Variants in MACROD2 observed in about 807,000 individuals in gnomAD.
The protein encoded by MACROD2 is ADP-ribose glycohydrolase MACROD2.
Under a neutral mutation model 70.4 loss-of-function variants are expected in MACROD2, and 36 were observed. The observed-to-expected ratio is 0.51, with a 90% CI of 0.39 to 0.68. The LOEUF (loss-of-function observed/expected upper bound fraction) is 0.68. Among genes scored for constraint, MACROD2 ranks in the 30% least tolerant of loss-of-function variants. The probability of loss-of-function intolerance (pLI) is 0.00; values close to 1 mark genes in which losing one functional copy is unlikely to be tolerated. For missense variants in MACROD2, 496 were observed against 538.4 expected, an observed-to-expected ratio of 0.92 and a Z score of 0.78; for synonymous variants, 172 against 178.8, an observed-to-expected ratio of 0.96 and a Z score of 0.30.
chr20:15,271,886 T>C (rs967413526), intron 6 of MACROD2, among the ~76,000 whole-genome samples: 3 of 152,214 alleles, frequency 2.0e-5, no homozygotes, highest in Admixed American at 1.3e-4. Context: ...GAAACAGTTA[T>C]GTGGAAATAC....
chr20:14,627,503 G>A (rs115638944), intron 4 of MACROD2, among the ~76,000 whole-genome samples: 10 of 152,000 alleles, frequency 6.6e-5, no homozygotes, highest in East Asian at 1.9e-4. Context: ...GTTCAATCCC[G>A]TTTCTCTCAC....
chr20:14,476,795 G>A (rs2084600477), intron 3 of MACROD2, among the ~76,000 whole-genome samples: 1 of 152,196 alleles, frequency 6.6e-6, no homozygotes, highest in African/African-American at 2.4e-5. Context: ...ACTAAACAGA[G>A]AGGAATAAAT....
chr20:15,852,242 A>C (rs1401550493), intron 8 of MACROD2, among the ~76,000 whole-genome samples: 1 of 152,196 alleles, frequency 6.6e-6, no homozygotes, highest in Non-Finnish European at 1.5e-5. Context: ...GGCTCCTCAG[A>C]TGCATGGCCA....
At chr20:14,596,930 C>T (rs1982182075) in intron 4 of MACROD2, among the ~76,000 whole-genome samples, 1 of 152,098 alleles carries the variant, frequency 6.6e-6, no homozygotes, top group African/African-American at 2.4e-5. Context: ...AGAATTACTT[C>T]TATTGTGTAA....
At chr20:14,284,332 G>C (rs895448822) in intron 3 of MACROD2, among the ~76,000 whole-genome samples, 3 of 151,918 alleles carry the variant, frequency 2.0e-5, no homozygotes, top group Admixed American at 6.6e-5. Context: ...TAAAACTCAG[G>C]GTTCAAAATT....
At chr20:14,323,018 C>T (rs2082679387) in intron 3 of MACROD2, 1 of 152,112 alleles carries the variant, frequency 6.6e-6, no homozygotes, top group South Asian at 2.1e-4. Context: ...TTCTCTCATT[C>T]AACAATAATC....
intron 3 of MACROD2, among the ~76,000 whole-genome samples, chr20:14,230,314 C>T (rs185709627): frequency 2.9e-4 from 44 of 152,152 alleles, no homozygotes; most frequent in South Asian, 2.1e-4. Context: ...CAAACAGTAC[C>T]GCTGCTTTAT....
intron 2 of MACROD2, chr20:14,053,473 G>A (rs181763455): frequency 1.3e-5 from 2 of 152,010 alleles, no homozygotes; most frequent in South Asian, 2.1e-4. Flanking sequence ...CTCACAATCC[G>A]AGCTGCTCTT....
chr20:15,945,196 C>T (rs1307458927), intron 12 of MACROD2, among the ~76,000 whole-genome samples: 1 of 152,170 alleles, frequency 6.6e-6, no homozygotes, highest in South Asian at 2.1e-4. Context: ...TCCTGGTACA[C>T]AGTAGGAGGC....
intron 5 of MACROD2, among the ~76,000 whole-genome samples, chr20:14,988,574 T>A (rs957505254): frequency 6.6e-6 from 1 of 152,164 alleles, no homozygotes; most frequent in African/African-American, 2.4e-5. Context: ...TTAAGTGACA[T>A]TGATGCTTCA....
chr20:15,814,688 G>A (rs2063854982), intron 8 of MACROD2, among the ~76,000 whole-genome samples: 1 of 152,188 alleles, frequency 6.6e-6, no homozygotes, highest in Non-Finnish European at 1.5e-5. Flanking sequence ...CATTAGAATT[G>A]TAATGGCTTC....
At chr20:14,487,163 A>T (rs2084745184) in intron 3 of MACROD2, among the ~76,000 whole-genome samples, 1 of 152,206 alleles carries the variant, frequency 6.6e-6, no homozygotes, top group Admixed American at 6.5e-5. Context: ...GTTAAGTCCT[A>T]GCTTGTTTCC....
intron 2 of MACROD2, among the ~76,000 whole-genome samples, chr20:14,009,859 T>A (rs1952317366): frequency 6.6e-6 from 1 of 152,076 alleles, no homozygotes; most frequent in Admixed American, 6.5e-5. Context: ...CTCGACAAAC[T>A]CTAACGCAGT....
chr20:15,365,689 T>C (rs1292853145), intron 6 of MACROD2, among the ~76,000 whole-genome samples: 2 of 151,880 alleles, frequency 1.3e-5, no homozygotes, highest in African/African-American at 4.8e-5. Context: ...AAGAAAAATA[T>C]TGTTTGTAAT....
At chr20:14,033,624 A>G (rs754272624) in intron 2 of MACROD2, among the ~76,000 whole-genome samples, 1 of 152,218 alleles carries the variant, frequency 6.6e-6, no homozygotes, top group Non-Finnish European at 1.5e-5. Context: ...ATGCACATGG[A>G]GAAAGAATCA....
At chr20:14,384,455 G>A (rs2083451747) in intron 3 of MACROD2, among the ~76,000 whole-genome samples, 1 of 149,238 alleles carries the variant, frequency 6.7e-6, no homozygotes, top group African/African-American at 2.5e-5. Context: ...AAATACAAAT[G>A]TTTTGTTTCC....
At chr20:14,742,846 A>G (rs1467435814) in intron 5 of MACROD2, among the ~76,000 whole-genome samples, 2 of 151,030 alleles carry the variant, frequency 1.3e-5, no homozygotes, top group African/African-American at 4.9e-5. Context: ...GGCTCACTGC[A>G]AGCTCCACCT....
At chr20:14,685,260 A>G (rs2070988056) in intron 5 of MACROD2, among the ~76,000 whole-genome samples, 5 of 152,156 alleles carry the variant, frequency 3.3e-5, no homozygotes, top group Non-Finnish European at 7.4e-5. Context: ...TGAGCAAAAT[A>G]TACATTATAG....
In MACROD2 at chr20:14,772,355, G is replaced by A. The variant is rs189336982; in HGVS notation, c.418+87396G>A. On this transcript the variant is annotated intron_variant, in intron 5 of 17. Coordinates refer to ENST00000684519, the MANE Select transcript of MACROD2 (RefSeq NM_001351661.2). ...TCACACAGCTGATAAAGACATACCC[G>A]AGACTGGGAAGTTTATATAAGAAAG... is the stretch of plus-strand genomic sequence containing the variant. Among the ~76,000 whole-genome samples the A allele has an allele frequency of 9.9e-4, 151 of 152,076 alleles. 1 individual carries two copies. Among genetic ancestry groups the A allele is most frequent in the Middle Eastern group, 3.4e-3 (1 of 294 alleles).
Sources: gnomAD v4.1 joint callset for allele counts (sites outside exome capture counted in the v4.1 genomes callset) on GRCh38, gnomAD v4.1.1 for gene constraint, MANE v1.5 for transcripts, NCBI Gene and HGNC (gene_info 2026-07-23, HGNC 2026-07-21) for gene names.